CEACAM6: variants seen among roughly 807,000 people sequenced by gnomAD.
CEACAM6 encodes CEA cell adhesion molecule 6.
CEACAM6 carries 21 observed loss-of-function variants against 32.4 expected under a neutral mutation model. The ratio of observed to expected loss-of-function variants is 0.65; its 90% CI spans 0.46 to 0.93. CEACAM6 has a LOEUF of 0.93. CEACAM6 is among the 40% of genes least tolerant of loss of function. The pLI is 0.00. For synonymous variants in CEACAM6, 184 were observed against 174.4 expected, an observed-to-expected ratio of 1.06 and a Z score of -0.43; for missense variants, 406 against 432.2, an observed-to-expected ratio of 0.94 and a Z score of 0.54.
intron 5 of CEACAM6, among the ~76,000 whole-genome samples, chr19:41,769,860 T>G (rs2072983090): frequency 6.7e-6 from 1 of 148,312 alleles, no homozygotes; most frequent in Non-Finnish European, 1.5e-5. Flanking sequence ...TAATTAATAT[T>G]AATATTATAT....
Position 41,761,510 on chromosome 19 carries a change from T to G in CEACAM6, c.686T>G (p.Val229Gly). The G allele has an allele frequency of 6.2e-7, 1 of 1,614,144 alleles. No individual in the cohort carries two copies. The highest frequency in any genetic ancestry group is 8.5e-7 in the Non-Finnish European group (1 of 1,180,004). Residue 229 changes from valine to glycine, a missense_variant, in exon 3 of 6, where the codon GTC (valine) becomes GGC (glycine). Physicochemically the swap from Val to Gly is moderately radical, Grantham distance 109. Coordinates refer to ENST00000199764, the MANE Select transcript of CEACAM6 (RefSeq NM_002483.7). Reference sequence around the variant, plus strand: ...GCGAGTGCCAACCGCAGTGACCCAGTCACCCTGAATGTCCTCTGTGAGTAT... The same window carrying G: ...GCGAGTGCCAACCGCAGTGACCCAGGCACCCTGAATGTCCTCTGTGAGTAT... Reference protein sequence around the residue: ...NPASANRSDPVTLNVLYGPDV... With the variant: ...NPASANRSDPGTLNVLYGPDV...
chr19:41,771,050 A>T lies in CEACAM6; in HGVS notation c.*289A>T, dbSNP rs1429113720. 3 of 152,220 alleles carry T rather than the reference A, an allele frequency of 2.0e-5. No individual in the cohort carries two copies. The highest frequency in any genetic ancestry group is 7.2e-5 in the African/African-American group (3 of 41,452). 9.4% of individuals were successfully genotyped at this position (152,220 alleles called of 1,614,324 possible). A position where few individuals can be genotyped will look rare whatever the true frequency, so the allele number is the denominator to read the frequency against. On this transcript the variant is annotated 3_prime_UTR_variant, in exon 6 of 6. Coordinates refer to ENST00000199764, the MANE Select transcript of CEACAM6 (RefSeq NM_002483.7). ...CACACTATGGACAGCTTTTCCCAAG[A>T]TGTCAAAACAAGACTCCTCATCATG...
At chr19:41,760,334 C>T (rs2072914955) in intron 2 of CEACAM6, among the ~76,000 whole-genome samples, 1 of 152,224 alleles carries the variant, frequency 6.6e-6, no homozygotes, top group South Asian at 2.1e-4. Context: ...AACTTCTCCT[C>T]AAATTTCTGT....
chr19:41,766,884 T>C (rs991287940), intron 5 of CEACAM6, among the ~76,000 whole-genome samples: 4 of 151,536 alleles, frequency 2.6e-5, no homozygotes, highest in Non-Finnish European at 5.9e-5. Flanking sequence ...CGAGCACCTG[T>C]AGTCCCAGCT....
At position 41,756,969 on chromosome 19, in the gene CEACAM6, T is replaced by A. The variant is rs1555821230; in HGVS notation, c.424+10T>A. The A allele has an allele frequency of 6.3e-7, 1 of 1,589,300 alleles. No individual in the cohort carries two copies. The highest frequency in any genetic ancestry group is 1.2e-5 in the South Asian group (1 of 86,574). ...CAGTTCCATGTATACCGTGAGTATT[T>A]CCACATGACCTCTGGGTGTTGGGGG... On this transcript the variant is annotated intron_variant, in intron 2 of 5. Transcript: ENST00000199764.
chr19:41,757,638 G>A (rs2072897503), intron 2 of CEACAM6, among the ~76,000 whole-genome samples: 1 of 152,184 alleles, frequency 6.6e-6, no homozygotes, highest in African/African-American at 2.4e-5. Context: ...TCCCTGGGAA[G>A]TTCAGAGTCC....
intron 2 of CEACAM6, 59 bp downstream of exon 2, chr19:41,757,018 G>T: frequency 1.4e-5 from 21 of 1,555,208 alleles, no homozygotes; most frequent in South Asian, 1.2e-4. Flanking sequence ...CCACATACGG[G>T]ATTGTCAGGC....
Position 41,761,339 on chromosome 19 carries a change from A to G in CEACAM6, c.515A>G (p.Gln172Arg). The change falls in exon 3 of 6, where the codon CAG (glutamine) becomes CGG (arginine). Residue 172 changes from glutamine to arginine, a missense_variant. Gln to Arg is a conservative substitution (Grantham distance 43). Transcript: ENST00000199764. ...GCCTTCACCTGTGAACCTGAGGTTCAGAACACAACCTACCTGTGGTGGGTA... is the reference window on the plus strand; with the variant it reads ...GCCTTCACCTGTGAACCTGAGGTTCGGAACACAACCTACCTGTGGTGGGTA... ...AVAFTCEPEV[Q>R]NTTYLWWVNG... The G allele has an allele frequency of 6.2e-7, 1 of 1,614,238 alleles. No individual in the cohort carries two copies. Among genetic ancestry groups the G allele is most frequent in the Non-Finnish European group, 8.5e-7 (1 of 1,180,038 alleles).
At chr19:41,766,435 CT>C in intron 5 of CEACAM6, 136 bp downstream of exon 5, 1 of 475,402 alleles carries the variant, frequency 2.1e-6, no homozygotes, top group Non-Finnish European at 3.8e-6. Context: ...GCACTAATTC[CT>C]GCAGGTCTCT....
At chr19:41,758,910 G>A (rs2072905859) in intron 2 of CEACAM6, among the ~76,000 whole-genome samples, 1 of 152,156 alleles carries the variant, frequency 6.6e-6, no homozygotes, top group Non-Finnish European at 1.5e-5. Flanking sequence ...AAGTCAACAG[G>A]AGAATGAGCT....
chr19:41,758,530 T>C (rs1400376886), intron 2 of CEACAM6, among the ~76,000 whole-genome samples: 3 of 152,124 alleles, frequency 2.0e-5, no homozygotes, highest in Non-Finnish European at 4.4e-5. Flanking sequence ...CATGTGACTC[T>C]GGGGTTCCTT....
At chr19:41,762,935 C>T (rs1331865103) in intron 4 of CEACAM6, among the ~76,000 whole-genome samples, 2 of 152,188 alleles carry the variant, frequency 1.3e-5, no homozygotes, top group Non-Finnish European at 2.9e-5. Context: ...TCTGAAGTCA[C>T]TGGCTGTATA....
In CEACAM6 at chr19:41,772,031, C is replaced by G. The variant is rs560203900; in HGVS notation, c.*1270C>G. 6.6e-6 allele frequency: 1 copy of G among 151,980 alleles called. No individual in the cohort carries two copies. The highest frequency in any genetic ancestry group is 2.4e-5 in the African/African-American group (1 of 41,372). 9.4% of individuals were successfully genotyped at this position (151,980 alleles called of 1,614,324 possible). On this transcript the variant is annotated 3_prime_UTR_variant, in exon 6 of 6. Transcript: ENST00000199764. ...TACTTTAACTTTTACAAAAAAGTAA[C>G]CTGAACTAATCTGATGTTAACCAAT...
At chr19:41,770,006 T>C (rs114298857) in intron 5 of CEACAM6, among the ~76,000 whole-genome samples, 298 of 151,692 alleles carry the variant, frequency 2.0e-3, no homozygotes, top group African/African-American at 6.9e-3. Flanking sequence ...GATGAACCCA[T>C]AGGCACTGCT....
intron 2 of CEACAM6, among the ~76,000 whole-genome samples, chr19:41,758,485 C>T (rs555646917): frequency 6.6e-6 from 1 of 152,296 alleles, no homozygotes; most frequent in East Asian, 1.9e-4. Context: ...CATGTTCCAT[C>T]CCTCTGAACC....
chr19:41,769,366 C>G (rs2122938416), intron 5 of CEACAM6, among the ~76,000 whole-genome samples: 1 of 152,252 alleles, frequency 6.6e-6, no homozygotes, highest in East Asian at 1.9e-4. Context: ...ATACAAGTTT[C>G]TGATAACATT....
At chr19:41,757,022 G>A (rs570246433) in intron 2 of CEACAM6, 63 bp downstream of exon 2, 7 of 1,554,612 alleles carry the variant, frequency 4.5e-6, no homozygotes, top group Non-Finnish European at 6.1e-6. Context: ...ATACGGGATT[G>A]TCAGGCCTGG....
chr19:41,755,537 G>A lies in CEACAM6; in HGVS notation c.-102G>A, dbSNP rs1414229467. The A allele has an allele frequency of 1.8e-6, 2 of 1,105,194 alleles. No homozygotes were observed. The highest frequency in any genetic ancestry group is 1.6e-5 in the African/African-American group (1 of 63,732). 68.5% of individuals were successfully genotyped at this position (1,105,194 alleles called of 1,614,324 possible). ...CCTGAGAGGAGGCTCAGCACAGAAG[G>A]AGGAAGGACAGCAGGGCCAACAGTC... On this transcript the variant is annotated 5_prime_UTR_variant, in exon 1 of 6. Transcript: ENST00000199764.
intron 5 of CEACAM6, among the ~76,000 whole-genome samples, chr19:41,770,253 TA>T (rs1326810329): frequency 0.042 from 1,300 of 30,626 alleles, 28 homozygotes; most frequent in Non-Finnish European, 0.061. Flanking sequence ...CTGCTAAAAA[TA>T]CAAAAAAAAA....
Sources: gnomAD v4.1 joint callset for allele counts (sites outside exome capture counted in the v4.1 genomes callset) on GRCh38, gnomAD v4.1.1 for gene constraint, MANE v1.5 for transcripts, NCBI Gene and HGNC (gene_info 2026-07-23, HGNC 2026-07-21) for gene names.